The following MAML2 variants were observed in gnomAD, a reference collection of about 807,000 sequenced individuals.
MAML2 encodes the protein mastermind like transcriptional coactivator 2, also known as mastermind-like protein 2.
Under a neutral mutation model 96.1 loss-of-function variants are expected in MAML2, and 22 were observed. That is an observed-to-expected ratio of 0.23 (90% confidence interval 0.16 to 0.33). The LOEUF (loss-of-function observed/expected upper bound fraction) is 0.33, where lower values mean the gene tolerates loss of function less well. Ranked by LOEUF, MAML2 falls within the 10% of genes least tolerant of loss-of-function variation. The probability of loss-of-function intolerance (pLI) is 1.00; values close to 1 mark genes in which losing one functional copy is unlikely to be tolerated. For missense variants in MAML2, 1,367 were observed against 1,392.4 expected (o/e 0.98, Z 0.29); for synonymous variants, 561 against 521.3 (o/e 1.08, Z -1.04).
chr11:96,072,589 G>A (rs1205757800), intron 2 of MAML2, among the ~76,000 whole-genome samples: 1 of 152,122 alleles, frequency 6.6e-6, no homozygotes, highest in Non-Finnish European at 1.5e-5. Flanking sequence ...TTGCATCAAC[G>A]GACAGGGTGG....
At chr11:96,117,442 C>T (rs1326134381) in intron 1 of MAML2, among the ~76,000 whole-genome samples, 1 of 152,040 alleles carries the variant, frequency 6.6e-6, no homozygotes, top group Non-Finnish European at 1.5e-5. Flanking sequence ...ATTACAGGCA[C>T]ATGTCACCAC....
intron 1 of MAML2, among the ~76,000 whole-genome samples, chr11:96,096,859 G>T (rs1263479388): frequency 6.6e-6 from 1 of 152,176 alleles, no homozygotes; most frequent in Non-Finnish European, 1.5e-5. Context: ...CAGCTGGAGG[G>T]ATTCCTTAAG....
chr11:96,229,517 A>G (rs2135953740), intron 1 of MAML2, among the ~76,000 whole-genome samples: 1 of 149,028 alleles, frequency 6.7e-6, no homozygotes, highest in African/African-American at 2.5e-5. Context: ...GTTGTAAAGC[A>G]TTTCTCACAA....
intron 1 of MAML2, among the ~76,000 whole-genome samples, chr11:96,207,668 C>T (rs143778972): frequency 1.2e-3 from 181 of 152,352 alleles, no homozygotes; most frequent in African/African-American, 4.2e-3. Flanking sequence ...AGTATAACTG[C>T]TGTCCCTTAA....
chr11:96,026,966 T>A (rs527708746), intron 2 of MAML2, among the ~76,000 whole-genome samples: 11 of 152,212 alleles, frequency 7.2e-5, no homozygotes, highest in Non-Finnish European at 1.3e-4. Context: ...ACATAGTAAG[T>A]ACTTAATAAG....
intron 1 of MAML2, among the ~76,000 whole-genome samples, chr11:96,181,723 C>A (rs1177722496): frequency 1.3e-5 from 2 of 152,198 alleles, no homozygotes; most frequent in Non-Finnish European, 2.9e-5. Context: ...TGATGGCCAT[C>A]AGTGACCATC....
chr11:95,990,337 T>A (rs1227852977), intron 3 of MAML2, among the ~76,000 whole-genome samples: 3 of 152,216 alleles, frequency 2.0e-5, no homozygotes, highest in African/African-American at 2.4e-5. Context: ...TCTTATCCCA[T>A]CTTTACCCAT....
chr11:96,137,028 C>T (rs1441652482), intron 1 of MAML2, among the ~76,000 whole-genome samples: 1 of 152,108 alleles, frequency 6.6e-6, no homozygotes, highest in East Asian at 1.9e-4. Flanking sequence ...TAAAAAATGC[C>T]ATCAGGGAAG....
intron 1 of MAML2, among the ~76,000 whole-genome samples, chr11:96,117,483 T>A (rs551785270): frequency 1.3e-5 from 2 of 151,850 alleles, no homozygotes; most frequent in South Asian, 4.2e-4. Flanking sequence ...TATTTTTTGT[T>A]GAGACAAGGT....
intron 2 of MAML2, among the ~76,000 whole-genome samples, chr11:96,052,286 TAGGA>T (rs1379677684): frequency 6.6e-6 from 1 of 152,172 alleles, no homozygotes; most frequent in Non-Finnish European, 1.5e-5. Context: ...GAACACATAC[TAGGA>T]AATTTGAAAA....
intron 1 of MAML2, among the ~76,000 whole-genome samples, chr11:96,112,012 C>T (rs1860132615): frequency 6.6e-6 from 1 of 151,770 alleles, no homozygotes; most frequent in African/African-American, 2.4e-5. Flanking sequence ...TACTTGAGTA[C>T]TTACAAATGC....
intron 1 of MAML2, among the ~76,000 whole-genome samples, chr11:96,202,177 C>CAAAAAAAAAA (rs35124521): frequency 2.1e-4 from 16 of 75,852 alleles, no homozygotes; most frequent in Non-Finnish European, 2.9e-4. Context: ...ACTAAAAATA[C>CAAAAAAAAAA]AAAAAAAAAA....
At chr11:96,029,834 C>T (rs1258654115) in intron 2 of MAML2, among the ~76,000 whole-genome samples, 3 of 152,314 alleles carry the variant, frequency 2.0e-5, no homozygotes, top group East Asian at 1.9e-4. Flanking sequence ...TCAGAAACCC[C>T]ATCTCATGTC....
At chr11:96,282,227 C>T (rs755598381) in intron 1 of MAML2, among the ~76,000 whole-genome samples, 17 of 147,464 alleles carry the variant, frequency 1.2e-4, no homozygotes, top group South Asian at 2.1e-4. Context: ...CCAACCTGGG[C>T]GACAGAGCAA....
At chr11:96,028,371 A>G (rs941798761) in intron 2 of MAML2, among the ~76,000 whole-genome samples, 46 of 152,100 alleles carry the variant, frequency 3.0e-4, no homozygotes, top group African/African-American at 1.1e-3. Context: ...TTCATTCTTC[A>G]AGGTTTAAAC....
intron 1 of MAML2, among the ~76,000 whole-genome samples, chr11:96,293,392 G>T (rs530965948): frequency 6.6e-6 from 1 of 152,280 alleles, no homozygotes; most frequent in Admixed American, 6.5e-5. Context: ...AAATCATCCA[G>T]CAGAATGAAT....
intron 2 of MAML2, among the ~76,000 whole-genome samples, chr11:96,033,895 T>C (rs979109463): frequency 9.8e-5 from 15 of 152,310 alleles, no homozygotes; most frequent in Non-Finnish European, 2.1e-4. Context: ...CAATTGTGTT[T>C]CTTAGGCTTG....
chr11:96,082,399 G>A (rs575743346), intron 2 of MAML2, among the ~76,000 whole-genome samples: 1 of 152,302 alleles, frequency 6.6e-6, no homozygotes, highest in Admixed American at 6.5e-5. Context: ...TTTGTTTCAT[G>A]AAAAGGAGTG....
chr11:95,985,069 C>G (rs141503484), intron 4 of MAML2, among the ~76,000 whole-genome samples: 23 of 152,312 alleles, frequency 1.5e-4, no homozygotes, highest in African/African-American at 5.5e-4. Flanking sequence ...TTCGTGAAAA[C>G]TAAATCTGCT....
Sources: allele counts gnomAD v4.1 joint callset (sites outside exome capture counted in the v4.1 genomes callset), GRCh38; gene constraint gnomAD v4.1.1; transcripts MANE v1.5; gene names NCBI Gene and HGNC (gene_info 2026-07-23, HGNC 2026-07-21).